AKAP12: variants seen among roughly 807,000 people sequenced by gnomAD.
The protein encoded by AKAP12 is A-kinase anchoring protein 12.
A neutral mutation model predicts 79.9 loss-of-function variants in AKAP12; 32 were observed. That is an observed-to-expected ratio of 0.40 (90% CI 0.30 to 0.54). AKAP12 has a LOEUF of 0.54. AKAP12 is among the 20% of genes least tolerant of loss of function. The pLI is 0.48. For synonymous variants in AKAP12, 808 were observed against 857.0 expected (o/e 0.94, Z 1.00); for missense variants, 2,074 against 2,177.0 (o/e 0.95, Z 0.94).
At position 151,357,015 on chromosome 6, in the gene AKAP12, A is replaced by C. The variant is rs1226642031; in HGVS notation, c.*1301A>C. 2 of 152,186 alleles carry C rather than the reference A, an allele frequency of 1.3e-5. No homozygotes were observed. Among genetic ancestry groups the C allele is most frequent in the African/African-American group, 2.4e-5 (1 of 41,464 alleles). The allele number at this position is 152,186 out of a possible 1,614,324, so 9.4% of individuals were successfully genotyped here. On this transcript the variant is annotated 3_prime_UTR_variant, in exon 5 of 5. Coordinates refer to ENST00000402676, the MANE Select transcript of AKAP12 (RefSeq NM_005100.4). ...CCATCTGGTAATTCCTGAAAATGTC[A>C]ATTTTTTTGTGTTAATATTTTTGGT...
chr6:151,306,069 A>T (rs529454050), intron 3 of AKAP12, among the ~76,000 whole-genome samples, 166 bp downstream of exon 3: 1 of 152,326 alleles, frequency 6.6e-6, no homozygotes, highest in South Asian at 2.1e-4. Context: ...GATACCCCCT[A>T]TACTTAGACC....
chr6:151,246,233 A>C (rs1317291684), intron 2 of AKAP12, among the ~76,000 whole-genome samples: 2 of 152,210 alleles, frequency 1.3e-5, no homozygotes, highest in Non-Finnish European at 2.9e-5. Flanking sequence ...CCTGGCCAAC[A>C]TGGCGAAACC....
Position 151,352,419 on chromosome 6 carries a change from G to A in AKAP12, c.4028G>A (p.Arg1343Lys). 1.2e-6 allele frequency: 2 copies of A among 1,614,192 alleles called. No individual in the cohort carries two copies. The highest frequency in any genetic ancestry group is 1.7e-6 in the Non-Finnish European group (2 of 1,180,032). ...VEREMVVQVE[R>K]EKTEAEPTHV... is the part of the protein sequence containing the mutation. Reference sequence around the variant, plus strand: ...AGAGAGATGGTAGTTCAAGTCGAAAGGGAGAAAACAGAAGCAGAGCCAACC... The same window carrying A: ...AGAGAGATGGTAGTTCAAGTCGAAAAGGAGAAAACAGAAGCAGAGCCAACC... The change falls in exon 4 of 5, where the codon AGG (arginine) becomes AAG (lysine). Residue 1343 changes from arginine (R) to lysine (K), a missense_variant. Arg to Lys is a conservative substitution (Grantham distance 26). Around this residue, in one of 3 missense-constraint regions of AKAP12, gnomAD observed 614 missense variants for 665.6 expected, o/e 0.92. Transcript: ENST00000402676.
chr6:151,352,170 A>G lies in AKAP12; in HGVS notation c.3779A>G (p.Lys1260Arg), dbSNP rs1778311644. 1.2e-6 allele frequency: 2 copies of G among 1,614,086 alleles called. No homozygotes were observed. The highest frequency in any genetic ancestry group is 3.3e-5 in the Admixed American group (2 of 60,006). Reference protein sequence around the residue: ...VSVETVSILSKTEGTQEADQY... With the variant: ...VSVETVSILSRTEGTQEADQY... ...GTGGAAACTGTATCCATTCTGTCAA[A>G]GACTGAGGGGACTCAAGAGGCTGAC... The change falls in exon 4 of 5, where the codon AAG (lysine) becomes AGG (arginine). Residue 1260 changes from lysine to arginine, a missense_variant. This residue lies in a region of AKAP12 where 614 missense variants were observed against 665.6 expected (regional missense o/e 0.92). Transcript: ENST00000402676.
chr6:151,304,099 T>C (rs1421110482), intron 2 of AKAP12, among the ~76,000 whole-genome samples: 1 of 152,192 alleles, frequency 6.6e-6, no homozygotes, highest in Non-Finnish European at 1.5e-5. Context: ...ATATATAACA[T>C]TGCTGTATAT....
intron 2 of AKAP12, among the ~76,000 whole-genome samples, chr6:151,292,418 G>T (rs577257964): frequency 1.6e-4 from 24 of 152,196 alleles, no homozygotes; most frequent in Non-Finnish European, 3.2e-4. Flanking sequence ...TTTGCAGACA[G>T]TGTGTAGTAC....
Position 151,328,983 on chromosome 6 carries a change from A to G in AKAP12, c.320-19728A>G, listed in dbSNP as rs1350100859. On this transcript the variant is annotated intron_variant, in intron 3 of 4. Coordinates refer to ENST00000402676, the MANE Select transcript of AKAP12 (RefSeq NM_005100.4). ...TGAAATGATTGCTTATTCACATTACATACTGTTGCCATTCTTGGGGTCTCT... is the reference window on the plus strand; with the variant it reads ...TGAAATGATTGCTTATTCACATTACGTACTGTTGCCATTCTTGGGGTCTCT... Among the ~76,000 whole-genome samples, 11 of 152,196 alleles carry G rather than the reference A, an allele frequency of 7.2e-5. No individual in the cohort carries two copies. The East Asian group carries it at 2.1e-3, about 29-fold the overall frequency.
chr6:151,272,383 A>G (rs1776203341), intron 2 of AKAP12, among the ~76,000 whole-genome samples: 1 of 150,818 alleles, frequency 6.6e-6, no homozygotes, highest in Non-Finnish European at 1.5e-5. Context: ...GGGGTCCAGC[A>G]TATAACCAAA....
At chr6:151,298,234 G>C (rs891250791) in intron 2 of AKAP12, among the ~76,000 whole-genome samples, 1 of 152,050 alleles carries the variant, frequency 6.6e-6, no homozygotes, top group Non-Finnish European at 1.5e-5. Context: ...GCTTTGTCCT[G>C]CCCAGTCCTA....
Position 151,247,499 on chromosome 6 carries a change from G to A in AKAP12, c.162+6775G>A, listed in dbSNP as rs150111124. On this transcript the variant is annotated intron_variant, in intron 2 of 4. Transcript: ENST00000402676. ...CAAGTTCAAGAATAAAAACGCAGCT[G>A]AGGTAGAGCAGTCTTACTCTCCTTT... Among the ~76,000 whole-genome samples, 1,397 of 150,958 alleles carry A rather than the reference G, an allele frequency of 9.3e-3. 27 individuals carry two copies. Among genetic ancestry groups the A allele is most frequent in the African/African-American group, 0.033 (1,336 of 40,830 alleles).
chr6:151,325,068 G>A, intron 3 of AKAP12: 4 of 985,448 alleles, frequency 4.1e-6, no homozygotes, highest in Non-Finnish European at 4.8e-6. Context: ...GTTGAAGACA[G>A]CACTTGTTAG....
At chr6:151,297,252 A>T (rs1176748260) in intron 2 of AKAP12, among the ~76,000 whole-genome samples, 1 of 151,526 alleles carries the variant, frequency 6.6e-6, no homozygotes, top group East Asian at 1.9e-4. Flanking sequence ...CAACCTGAGG[A>T]TCTGAACCAA....
Position 151,353,480 on chromosome 6 carries a change from G to C in AKAP12, c.5089G>C (p.Glu1697Gln). ...AGAGAAGTCACTAGTTGAACCGAAA[G>C]AAGATGAAAAAGGTGATGATGTTGA... Reference protein sequence around the residue: ...RIEKSLVEPKEDEKGDDVDDP... With the variant: ...RIEKSLVEPKQDEKGDDVDDP... Residue 1697 changes from glutamate (E) to glutamine (Q), a missense_variant, in exon 4 of 5, where the codon GAA (glutamate) becomes CAA (glutamine). Glu to Gln is a conservative substitution (Grantham distance 29). Transcript: ENST00000402676. The C allele has an allele frequency of 1.2e-6, 2 of 1,614,194 alleles. No homozygotes were observed. Among genetic ancestry groups the C allele is most frequent in the Non-Finnish European group, 1.7e-6 (2 of 1,180,030 alleles).
intron 3 of AKAP12, among the ~76,000 whole-genome samples, chr6:151,316,751 C>G (rs1777245229): frequency 6.6e-6 from 1 of 152,204 alleles, no homozygotes; most frequent in Non-Finnish European, 1.5e-5. Context: ...CTGCCTCAGC[C>G]TCCTGAGTAG....
intron 2 of AKAP12, among the ~76,000 whole-genome samples, chr6:151,305,350 G>A (rs980269920): frequency 1.3e-5 from 2 of 152,140 alleles, no homozygotes; most frequent in African/African-American, 4.8e-5. Context: ...TAATCACAAG[G>A]AAACATTATT....
In AKAP12 at chr6:151,256,948, C is replaced by CTATATATATATATATATATATA. The variant is rs57384016; in HGVS notation, c.162+16238_162+16239insTATATATATATATATATATATA. Among the ~76,000 whole-genome samples, 35 of 145,878 alleles carry CTATATATATATATATATATATA rather than the reference C, an allele frequency of 2.4e-4. 1 individual carries two copies. The highest frequency in any genetic ancestry group is 8.6e-4 in the South Asian group (4 of 4,644). On this transcript the variant is annotated intron_variant, in intron 2 of 4. Coordinates refer to ENST00000402676, the MANE Select transcript of AKAP12 (RefSeq NM_005100.4). ...ACAGGCGTGAGCCACCGCGCCCGGC[C>CTATATATATATATATATATATA]TATATATATATATAAACTTTAAATT... is the stretch of plus-strand genomic sequence containing the variant.
chr6:151,299,743 T>C (rs1776815884), intron 2 of AKAP12, among the ~76,000 whole-genome samples: 1 of 133,704 alleles, frequency 7.5e-6, no homozygotes, highest in South Asian at 2.9e-4. Context: ...CCTCTACTGA[T>C]AGACATTTAA....
At chr6:151,325,687 C>A in intron 3 of AKAP12, 1 of 1,436,482 alleles carries the variant, frequency 7.0e-7, no homozygotes, top group Non-Finnish European at 9.1e-7. Flanking sequence ...CTTTTCGCTG[C>A]GGCAGCTCCG....
At chr6:151,313,046 T>C (rs1777153367) in intron 3 of AKAP12, among the ~76,000 whole-genome samples, 2 of 152,232 alleles carry the variant, frequency 1.3e-5, no homozygotes, top group Non-Finnish European at 2.9e-5. Context: ...GCTTTAACTC[T>C]GTATCAATTC....
Sources: allele counts gnomAD v4.1 joint callset (sites outside exome capture counted in the v4.1 genomes callset), GRCh38; gene constraint gnomAD v4.1.1; regional missense constraint gnomAD v4.1.1; transcripts MANE v1.5; gene names NCBI Gene and HGNC (gene_info 2026-07-23, HGNC 2026-07-21).